Variants in EYA2 observed in about 807,000 individuals in gnomAD.
EYA2 encodes the protein protein phosphatase EYA2.
Under a neutral mutation model 69.2 loss-of-function variants are expected in EYA2, and 31 were observed. The observed-to-expected ratio is 0.45, with a 90% CI of 0.34 to 0.60. The LOEUF (loss-of-function observed/expected upper bound fraction) is 0.60, where lower values mean the gene tolerates loss of function less well. EYA2 is among the 20% of genes least tolerant of loss of function. The pLI, the probability that EYA2 is intolerant of heterozygous loss-of-function variation, is 0.02. For missense variants in EYA2, 622 were observed against 701.2 expected (o/e 0.89, Z 1.28); for synonymous variants, 257 against 279.4 (o/e 0.92, Z 0.80).
chr20:46,987,017 T>G (rs1981272732), intron 1 of EYA2, among the ~76,000 whole-genome samples: 1 of 152,142 alleles, frequency 6.6e-6, no homozygotes, highest in Admixed American at 6.5e-5. Flanking sequence ...GCTTTCTTAT[T>G]TAAAAATTAT....
At chr20:47,178,868 G>A (rs1243483070) in intron 12 of EYA2, among the ~76,000 whole-genome samples, 1 of 113,098 alleles carries the variant, frequency 8.8e-6, no homozygotes, top group African/African-American at 3.8e-5. Flanking sequence ...AGATACGTGG[G>A]TAGGTGGATG....
chr20:46,988,480 C>G lies in EYA2; in HGVS notation c.-10-1521C>G, dbSNP rs187041202. Among the ~76,000 whole-genome samples, 98 of 152,130 alleles carry G rather than the reference C, an allele frequency of 6.4e-4. 1 individual carries two copies. The highest frequency in any genetic ancestry group is 2.2e-3 in the African/African-American group (93 of 41,410). On this transcript the variant is annotated intron_variant, in intron 1 of 15. Transcript: ENST00000327619. ...GGGATCTGAGTTTATAAGCACCACA[C>G]CAGCGATCGCTACGTTGTGTTTCAT...
intron 7 of EYA2, among the ~76,000 whole-genome samples, chr20:47,082,742 G>T (rs992396190): frequency 2.0e-5 from 3 of 152,128 alleles, no homozygotes; most frequent in African/African-American, 7.2e-5. Context: ...AAATGGAAAT[G>T]CAGAGGACCA....
chr20:47,026,246 T>C (rs1325942884), intron 5 of EYA2, among the ~76,000 whole-genome samples: 1 of 152,222 alleles, frequency 6.6e-6, no homozygotes, highest in Non-Finnish European at 1.5e-5. Flanking sequence ...GAGAAAAGTA[T>C]CCATTCCTAC....
intron 7 of EYA2, 52 bp downstream of exon 7, chr20:47,074,387 A>G (rs1600688969): frequency 3.2e-6 from 5 of 1,578,252 alleles, no homozygotes; most frequent in African/African-American, 1.3e-5. Context: ...GAGAGCTTCT[A>G]TGAAGGAGGG....
Position 47,003,562 on chromosome 20 carries a change from A to ATG in EYA2, c.156-1370_156-1369dup, listed in dbSNP as rs542309901. Among the ~76,000 whole-genome samples the ATG allele has an allele frequency of 1.6e-4, 24 of 152,330 alleles. No individual in the cohort carries two copies. In the East Asian group the frequency reaches 4.4e-3, roughly 28 times the overall value. On this transcript the variant is annotated intron_variant, in intron 3 of 15. Coordinates refer to ENST00000327619, the MANE Select transcript of EYA2 (RefSeq NM_005244.5). ...CGAGTGTGTTTATGTGCATGCCTGC[A>ATG]TGTGTGTGTGTATCTGTGCACGTAA...
intron 1 of EYA2, among the ~76,000 whole-genome samples, chr20:46,976,789 C>T (rs903361498): frequency 2.0e-5 from 3 of 147,200 alleles, no homozygotes; most frequent in African/African-American, 7.3e-5. Context: ...ACTCACCGCT[C>T]TGAGGAGCGA....
intron 5 of EYA2, among the ~76,000 whole-genome samples, chr20:47,071,709 G>A (rs562582408): frequency 6.6e-6 from 1 of 152,098 alleles, no homozygotes; most frequent in Non-Finnish European, 1.5e-5. Context: ...ATCTATCCAG[G>A]AAATTGAGGT....
Position 47,183,291 on chromosome 20 carries a change from G to A in EYA2, c.1436G>A (p.Gly479Glu). 1 of 1,613,996 alleles carries A rather than the reference G, an allele frequency of 6.2e-7. No individual in the cohort carries two copies. Among genetic ancestry groups the A allele is most frequent in the Non-Finnish European group, 8.5e-7 (1 of 1,179,942 alleles). ...IENIYSATKT[G>E]KESCFERIMQ... ...TTCTTTCCTTCCTGTGTGCGTGCAG[G>A]GAAGGAGAGCTGCTTCGAGAGGATA... Residue 479 changes from glycine to glutamate, a missense_variant and splice_region_variant, in exon 15 of 16, where the codon GGG becomes GAG. Physicochemically the swap from Gly to Glu is moderately conservative, Grantham distance 98 (BLOSUM62 -2). Transcript: ENST00000327619.
intron 1 of EYA2, among the ~76,000 whole-genome samples, chr20:46,898,527 G>T (rs1983930455): frequency 6.6e-6 from 1 of 152,044 alleles, no homozygotes; most frequent in Admixed American, 6.5e-5. Flanking sequence ...ATTTGTGGCA[G>T]TTCAAACAGT....
At chr20:47,011,404 G>T (rs934276826) in intron 4 of EYA2, among the ~76,000 whole-genome samples, 1 of 152,114 alleles carries the variant, frequency 6.6e-6, no homozygotes, top group Admixed American at 6.5e-5. Flanking sequence ...CCTCTGCTCA[G>T]ATCCCTCCAG....
chr20:47,001,506 G>A, intron 3 of EYA2, 33 bp downstream of exon 3: 3 of 1,610,602 alleles, frequency 1.9e-6, no homozygotes, highest in Non-Finnish European at 2.5e-6. Context: ...CTGCTCACAT[G>A]CCCACCTTTT....
At chr20:46,948,775 C>T (rs1452761686) in intron 1 of EYA2, among the ~76,000 whole-genome samples, 3 of 152,128 alleles carry the variant, frequency 2.0e-5, no homozygotes, top group East Asian at 3.8e-4. Context: ...CTGTCAGTTC[C>T]AAACTTAGAG....
At chr20:46,925,246 A>C (rs889036053) in intron 1 of EYA2, among the ~76,000 whole-genome samples, 2 of 152,164 alleles carry the variant, frequency 1.3e-5, no homozygotes, top group African/African-American at 4.8e-5. Context: ...TGACAACTTT[A>C]ATATGTCCTT....
intron 9 of EYA2, among the ~76,000 whole-genome samples, chr20:47,105,363 G>A (rs1163660601): frequency 1.3e-5 from 2 of 152,082 alleles, no homozygotes; most frequent in African/African-American, 2.4e-5. Flanking sequence ...GGTGGCCCAT[G>A]CCTGTAATCC....
intron 10 of EYA2, among the ~76,000 whole-genome samples, chr20:47,162,080 G>A (rs1043349603): frequency 7.2e-5 from 11 of 152,188 alleles, no homozygotes; most frequent in South Asian, 2.1e-4. Context: ...CCTCTGACTC[G>A]TAGAGAACAT....
chr20:47,126,480 G>C (rs922190934), intron 9 of EYA2, among the ~76,000 whole-genome samples: 2 of 152,196 alleles, frequency 1.3e-5, no homozygotes, highest in African/African-American at 2.4e-5. Flanking sequence ...GCAGCCAGCT[G>C]TCTGGCTGCA....
intron 7 of EYA2, among the ~76,000 whole-genome samples, chr20:47,077,833 A>G (rs113359669): frequency 1.3e-5 from 2 of 152,316 alleles, no homozygotes; most frequent in Admixed American, 6.5e-5. Context: ...TTTCTCTGTC[A>G]TCATCTTGAA....
chr20:47,008,724 G>C (rs1982881002), intron 4 of EYA2, among the ~76,000 whole-genome samples: 2 of 152,172 alleles, frequency 1.3e-5, no homozygotes, highest in Admixed American at 6.5e-5. Context: ...GAATTCTGCT[G>C]CCCAGATTCA....
Sources: allele counts gnomAD v4.1 joint callset (sites outside exome capture counted in the v4.1 genomes callset), GRCh38; gene constraint gnomAD v4.1.1; transcripts MANE v1.5; gene names NCBI Gene and HGNC (gene_info 2026-07-23, HGNC 2026-07-21).